XXYLT1: variants seen among roughly 807,000 people sequenced by gnomAD.
The protein encoded by XXYLT1 is xyloside xylosyltransferase 1.
Under a neutral mutation model 28.9 loss-of-function variants are expected in XXYLT1, and 20 were observed. That is an observed-to-expected ratio of 0.69 (90% CI 0.49 to 1.00). The LOEUF (loss-of-function observed/expected upper bound fraction) is 1.00. Ranked by LOEUF, XXYLT1 falls within the 50% of genes least tolerant of loss-of-function variation. The pLI is 0.00. For missense variants in XXYLT1, 542 were observed against 560.1 expected (o/e 0.97, Z 0.33); for synonymous variants, 257 against 253.8 (o/e 1.01, Z -0.12).
intron 1 of XXYLT1, among the ~76,000 whole-genome samples, chr3:195,227,703 T>A (rs1214958795): frequency 2.0e-5 from 3 of 152,124 alleles, no homozygotes; most frequent in African/African-American, 7.2e-5. Context: ...GTCACACAGA[T>A]AATAAATGCA....
At chr3:195,151,040 G>A (rs990038186) in intron 3 of XXYLT1, among the ~76,000 whole-genome samples, 1 of 151,962 alleles carries the variant, frequency 6.6e-6, no homozygotes, top group African/African-American at 2.4e-5. Flanking sequence ...CAAGCCTGGA[G>A]CCTCACAGAG....
At chr3:195,120,534 G>A (rs544517583) in intron 3 of XXYLT1, among the ~76,000 whole-genome samples, 1 of 152,232 alleles carries the variant, frequency 6.6e-6, no homozygotes, top group East Asian at 1.9e-4. Context: ...CTGGCACAGG[G>A]TGCACCCCAA....
intron 2 of XXYLT1, among the ~76,000 whole-genome samples, chr3:195,194,740 G>A (rs1209266603): frequency 6.6e-6 from 1 of 152,102 alleles, no homozygotes; most frequent in Non-Finnish European, 1.5e-5. Context: ...AGGAATAAAT[G>A]ACTGATACAT....
At chr3:195,165,685 T>A (rs7645017) in intron 2 of XXYLT1, among the ~76,000 whole-genome samples, 6,145 of 152,218 alleles carry the variant, frequency 0.04, 418 homozygotes, top group African/African-American at 0.14. Context: ...AGCTTTCCTG[T>A]CTCCTGAGCC....
intron 1 of XXYLT1, among the ~76,000 whole-genome samples, chr3:195,229,047 A>G (rs1253063452): frequency 6.6e-6 from 1 of 151,770 alleles, no homozygotes; most frequent in Non-Finnish European, 1.5e-5. Flanking sequence ...TCCTGACCTC[A>G]GGTGATCCAC....
intron 3 of XXYLT1, among the ~76,000 whole-genome samples, chr3:195,142,055 C>A (rs369986753): frequency 1.3e-5 from 2 of 152,216 alleles, no homozygotes; most frequent in Non-Finnish European, 1.5e-5. Context: ...CTGACCCCAG[C>A]GGTTATTTCT....
In XXYLT1 at chr3:195,068,869, A is replaced by T. The variant is rs1258065560; in HGVS notation, c.*846T>A. The T allele has an allele frequency of 2.1e-5, 3 of 145,826 alleles. No individual in the cohort carries two copies. Among genetic ancestry groups the T allele is most frequent in the Non-Finnish European group, 4.5e-5 (3 of 67,138 alleles). 9.0% of individuals were successfully genotyped at this position (145,826 alleles called of 1,614,324 possible). A position where few individuals can be genotyped will look rare whatever the true frequency, so the allele number is the denominator to read the frequency against. ...AAGTGTTGGGATTACAGGCTTGACG[A>T]CTGTGCCCGGCCTGGGCTTTTTGGA... On this transcript the variant is annotated 3_prime_UTR_variant, in exon 4 of 4. Transcript: ENST00000310380.
intron 2 of XXYLT1, among the ~76,000 whole-genome samples, chr3:195,223,675 T>C (rs1300896931): frequency 1.3e-5 from 2 of 151,924 alleles, no homozygotes; most frequent in Non-Finnish European, 2.9e-5. Context: ...TTCCAAAAAC[T>C]GCAGGAATTC....
In XXYLT1 at chr3:195,077,467, G is replaced by A. The variant is rs148864526; in HGVS notation, c.786-7356C>T. ...CCTCTGCAGAGCTGATGCTGCAAAT[G>A]CTCCTCCCTGCCCAGGCTTAGGTTG... On this transcript the variant is annotated intron_variant, in intron 3 of 3. Coordinates refer to ENST00000310380, the MANE Select transcript of XXYLT1 (RefSeq NM_152531.5). The surrounding 1 kb of genome is among the most constrained non-coding windows in gnomAD (Gnocchi z 4.8). 7.9e-5 allele frequency among the ~76,000 whole-genome samples: 12 copies of A among 152,292 alleles called. No homozygotes were observed. Among genetic ancestry groups the A allele is most frequent in the African/African-American group, 2.9e-4 (12 of 41,578 alleles).
intron 2 of XXYLT1, among the ~76,000 whole-genome samples, chr3:195,207,699 GATAA>G (rs937415467): frequency 5.9e-5 from 9 of 152,008 alleles, no homozygotes; most frequent in African/African-American, 2.4e-5. Context: ...TTATCTTACA[GATAA>G]ATAAATAAGC....
At chr3:195,249,058 G>T (rs1390201100) in intron 1 of XXYLT1, among the ~76,000 whole-genome samples, 2 of 152,190 alleles carry the variant, frequency 1.3e-5, no homozygotes. Context: ...CTAGGGCACT[G>T]GGAAAATGCA....
At chr3:195,118,746 T>C (rs895315307) in intron 3 of XXYLT1, among the ~76,000 whole-genome samples, 7 of 152,306 alleles carry the variant, frequency 4.6e-5, no homozygotes, top group Admixed American at 2.6e-4. Context: ...TAGAGAGACC[T>C]GGGCCTGGAG....
At chr3:195,189,023 G>A (rs532273780) in intron 2 of XXYLT1, among the ~76,000 whole-genome samples, 5 of 152,098 alleles carry the variant, frequency 3.3e-5, no homozygotes, top group Admixed American at 1.3e-4. Flanking sequence ...ATAAGAATAC[G>A]CATATCCATT....
chr3:195,209,845 C>G lies in XXYLT1; in HGVS notation c.652+16864G>C, dbSNP rs948015990. On this transcript the variant is annotated intron_variant, in intron 2 of 3. Transcript: ENST00000310380. The surrounding 1 kb of genome is among the most constrained non-coding windows in gnomAD (Gnocchi z 5.0). ...AGGGGACAGAAAACGGAAAAGCAGG[C>G]CCGAGACTCCGTCCAAGGCGGCTGA... The G allele has an allele frequency of 1.3e-5, 2 of 152,642 alleles. No individual in the cohort carries two copies. The highest frequency in any genetic ancestry group is 2.9e-5 in the Non-Finnish European group (2 of 68,450). The allele number at this position is 152,642 out of a possible 1,614,324, so 9.5% of individuals were successfully genotyped here.
intron 2 of XXYLT1, among the ~76,000 whole-genome samples, chr3:195,166,534 A>C (rs966414124): frequency 2.0e-5 from 3 of 152,188 alleles, no homozygotes; most frequent in African/African-American, 7.2e-5. Flanking sequence ...TCCCATTCAA[A>C]ATGTGTCAGT....
At chr3:195,159,919 T>A (rs1720786860) in intron 2 of XXYLT1, among the ~76,000 whole-genome samples, 1 of 152,090 alleles carries the variant, frequency 6.6e-6, no homozygotes, top group Non-Finnish European at 1.5e-5. Context: ...AGCTGGACGT[T>A]TCTCTGTCAA....
chr3:195,255,108 G>A lies in XXYLT1; in HGVS notation c.504+15447C>T, dbSNP rs1490035312. 6.6e-6 allele frequency among the ~76,000 whole-genome samples: 1 copy of A among 152,242 alleles called. No homozygotes were observed. Among genetic ancestry groups the A allele is most frequent in the Non-Finnish European group, 1.5e-5 (1 of 68,046 alleles). ...GCGGACAGAGCAGGGGATAACAGCA[G>A]CATCAGAAAGACCCATAAGGCCATA... On this transcript the variant is annotated intron_variant, in intron 1 of 3. Transcript: ENST00000310380. This position sits in a 1 kb window ranked among gnomAD's most constrained non-coding sequence, Gnocchi z 4.5.
intron 2 of XXYLT1, among the ~76,000 whole-genome samples, chr3:195,174,063 T>A (rs1721540658): frequency 6.6e-6 from 1 of 152,106 alleles, no homozygotes; most frequent in African/African-American, 2.4e-5. Context: ...CTCTGGTGAT[T>A]TTTTCTTTTT....
intron 3 of XXYLT1, among the ~76,000 whole-genome samples, chr3:195,097,711 C>T (rs1261929992): frequency 6.6e-6 from 1 of 152,258 alleles, no homozygotes; most frequent in East Asian, 1.9e-4. Flanking sequence ...TGTGAACAGT[C>T]GCCAAGATAA....
Sources: allele counts gnomAD v4.1 joint callset (sites outside exome capture counted in the v4.1 genomes callset), GRCh38; gene constraint gnomAD v4.1.1; non-coding constraint Gnocchi (gnomAD v3.1); transcripts MANE v1.5; gene names NCBI Gene and HGNC (gene_info 2026-07-23, HGNC 2026-07-21).